ITPR2: variants seen among roughly 807,000 people sequenced by gnomAD.
ITPR2 encodes inositol 1,4,5-trisphosphate-gated calcium channel ITPR2.
In ITPR2, 207 loss-of-function variants were observed where a neutral mutation model predicts 317.1. That is an observed-to-expected ratio of 0.65 (90% CI 0.58 to 0.73). ITPR2 has a LOEUF of 0.73. Ranked by LOEUF, ITPR2 falls within the 30% of genes least tolerant of loss-of-function variation. The pLI is 0.00. For synonymous variants in ITPR2, 1,156 were observed against 1,149.1 expected (o/e 1.01, Z -0.12); for missense variants, 2,613 against 3,284.0 (o/e 0.80, Z 4.99).
At chr12:26,663,901 T>G (rs1277117040) in intron 14 of ITPR2, 55 bp from the exon 15 acceptor site, 1 of 1,424,724 alleles carries the variant, frequency 7.0e-7, no homozygotes, top group African/African-American at 1.4e-5. Flanking sequence ...TTTGCAACCT[T>G]TTTTTTTTAA....
At chr12:26,690,018 G>T (rs768035067) in intron 10 of ITPR2, among the ~76,000 whole-genome samples, 13 of 152,260 alleles carry the variant, frequency 8.5e-5, no homozygotes, top group Admixed American at 6.5e-4. Context: ...GTAGCCAAAA[G>T]AAAGAGCCAC....
chr12:26,518,753 A>C (rs570320528), intron 37 of ITPR2, among the ~76,000 whole-genome samples: 1 of 152,178 alleles, frequency 6.6e-6, no homozygotes, highest in Non-Finnish European at 1.5e-5. Context: ...ACAATTTTTT[A>C]AAAACTTGCT....
chr12:26,589,811 AATAAATAAATAAATAAATAAAC>A (rs1945642312), intron 32 of ITPR2, among the ~76,000 whole-genome samples: 1 of 34,172 alleles, frequency 2.9e-5, no homozygotes, highest in African/African-American at 7.5e-5. Flanking sequence ...ATAAATAAAA[AATAAATAAATAAATAAATAAAC>A]ATATATATAT....
intron 37 of ITPR2, among the ~76,000 whole-genome samples, chr12:26,532,881 T>A (rs1186330698): frequency 6.6e-6 from 1 of 152,130 alleles, no homozygotes; most frequent in Non-Finnish European, 1.5e-5. Flanking sequence ...AGACAGGGTC[T>A]CGCCATGTTG....
chr12:26,595,950 A>C (rs560460104), intron 31 of ITPR2, among the ~76,000 whole-genome samples: 3 of 152,150 alleles, frequency 2.0e-5, no homozygotes, highest in Admixed American at 2.0e-4. Context: ...CCCTCCCAAC[A>C]GTAGAAAAGA....
chr12:26,617,601 A>G (rs1946398446), intron 26 of ITPR2, among the ~76,000 whole-genome samples: 1 of 151,718 alleles, frequency 6.6e-6, no homozygotes, highest in African/African-American at 2.4e-5. Context: ...AGAAAGAAAG[A>G]AAAGAAAAGA....
At chr12:26,468,200 T>C (rs1942216058) in intron 45 of ITPR2, among the ~76,000 whole-genome samples, 1 of 144,032 alleles carries the variant, frequency 6.9e-6, no homozygotes. Context: ...GGTATGAAGG[T>C]AACACTAAGA....
intron 48 of ITPR2, among the ~76,000 whole-genome samples, chr12:26,430,090 T>C (rs183258273): frequency 2.0e-5 from 3 of 152,356 alleles, no homozygotes; most frequent in Non-Finnish European, 4.4e-5. Context: ...GAGTGTCTAG[T>C]ATAGTAGCTT....
intron 55 of ITPR2, among the ~76,000 whole-genome samples, chr12:26,341,687 CAGA>C (rs1185762979): frequency 1.3e-5 from 2 of 152,214 alleles, no homozygotes; most frequent in East Asian, 3.8e-4. Flanking sequence ...TGCAGAGTGA[CAGA>C]TTCATTCATT....
intron 54 of ITPR2, among the ~76,000 whole-genome samples, chr12:26,389,785 T>C (rs2136632705): frequency 6.6e-6 from 1 of 152,320 alleles, no homozygotes; most frequent in Admixed American, 6.5e-5. Context: ...TAAATTGGAT[T>C]ATATCTCTAA....
chr12:26,657,893 C>T lies in ITPR2; in HGVS notation c.2007-1G>A, dbSNP rs1947410755. The T allele has an allele frequency of 1.2e-6, 2 of 1,612,710 alleles. No homozygotes were observed. Among genetic ancestry groups the T allele is most frequent in the Non-Finnish European group, 1.7e-6 (2 of 1,179,158 alleles). On this transcript the variant is annotated splice_acceptor_variant, in intron 17 of 56. Coordinates refer to ENST00000381340, the MANE Select transcript of ITPR2 (RefSeq NM_002223.4). LOFTEE classifies it high-confidence loss of function. ...GTTGTCTGCTTGCATTGAGACCACC[C>T]TTCAAATAAATAGCACATACAAAAA...
intron 2 of ITPR2, among the ~76,000 whole-genome samples, chr12:26,751,875 A>AAC (rs1555186161): frequency 1.1e-4 from 17 of 151,564 alleles, no homozygotes; most frequent in African/African-American, 3.9e-4. Context: ...AAAAAAAAAA[A>AAC]AAAACAGTTT....
Position 26,415,511 on chromosome 12 carries a change from A to G in ITPR2, c.7111-13T>C, listed in dbSNP as rs1315276895. 2.0e-6 allele frequency: 3 copies of G among 1,504,648 alleles called. No homozygotes were observed. Among genetic ancestry groups the G allele is most frequent in the South Asian group, 1.3e-5 (1 of 74,600 alleles). The allele number at this position is 1,504,648 out of a possible 1,614,324, so 93.2% of individuals were successfully genotyped here. A position where few individuals can be genotyped will look rare whatever the true frequency, so the allele number is the denominator to read the frequency against. On this transcript the variant is annotated splice_polypyrimidine_tract_variant and intron_variant, in intron 50 of 56. Transcript: ENST00000381340. ...CCAAATCAAAAAGCTACAAAGATAA[A>G]GAAAACACTAATAAGAAAAGAAGGC...
chr12:26,466,313 A>G (rs1942169769), intron 45 of ITPR2, among the ~76,000 whole-genome samples: 1 of 152,240 alleles, frequency 6.6e-6, no homozygotes, highest in Non-Finnish European at 1.5e-5. Flanking sequence ...CCTGAATTAA[A>G]TGCCAGTAAA....
intron 32 of ITPR2, among the ~76,000 whole-genome samples, chr12:26,584,638 C>A (rs1432238316): frequency 6.6e-6 from 1 of 152,158 alleles, no homozygotes; most frequent in East Asian, 1.9e-4. Context: ...TCTGTGATGT[C>A]CAATATGGTA....
chr12:26,513,542 CCTCT>C (rs150495475), intron 37 of ITPR2, among the ~76,000 whole-genome samples: 2 of 149,910 alleles, frequency 1.3e-5, no homozygotes, highest in East Asian at 2.0e-4. Flanking sequence ...TTTGTTCAGA[CCTCT>C]CTCTCTCTCT....
intron 52 of ITPR2, among the ~76,000 whole-genome samples, chr12:26,402,367 G>A (rs1940205434): frequency 1.3e-5 from 2 of 152,130 alleles, no homozygotes; most frequent in South Asian, 2.1e-4. Flanking sequence ...TATTCATTCA[G>A]GAACTACCTG....
At chr12:26,593,521 T>C (rs994329065) in intron 32 of ITPR2, among the ~76,000 whole-genome samples, 3 of 152,254 alleles carry the variant, frequency 2.0e-5, no homozygotes, top group African/African-American at 7.2e-5. Context: ...AGGTGATTCC[T>C]GTCAACCCTG....
intron 37 of ITPR2, among the ~76,000 whole-genome samples, chr12:26,541,391 C>T (rs1202950808): frequency 1.3e-5 from 2 of 152,124 alleles, no homozygotes; most frequent in Non-Finnish European, 2.9e-5. Flanking sequence ...AGATGGTACA[C>T]AGTTGCAGCA....
Sources: gnomAD v4.1 joint callset for allele counts (sites outside exome capture counted in the v4.1 genomes callset) on GRCh38, gnomAD v4.1.1 for gene constraint, MANE v1.5 for transcripts, NCBI Gene and HGNC (gene_info 2026-07-23, HGNC 2026-07-21) for gene names.